Variants in PHTF1 observed in about 807,000 individuals in gnomAD.
The protein encoded by PHTF1 is protein PHTF1.
PHTF1 carries 88 observed loss-of-function variants against 102.4 expected under a neutral mutation model. The observed-to-expected ratio is 0.86, with a 90% CI of 0.72 to 1.03. The LOEUF is 1.03. PHTF1 is among the 50% of genes least tolerant of loss of function. The probability of loss-of-function intolerance (pLI) is 0.00; values close to 1 mark genes in which losing one functional copy is unlikely to be tolerated. For synonymous variants in PHTF1, 289 were observed against 305.2 expected (o/e 0.95, Z 0.55); for missense variants, 814 against 909.5 (o/e 0.89, Z 1.35).
intron 5 of PHTF1, among the ~76,000 whole-genome samples, chr1:113,727,439 A>G (rs1654012639): frequency 6.6e-6 from 1 of 152,214 alleles, no homozygotes; most frequent in Admixed American, 6.5e-5. Context: ...GGAAACCAGT[A>G]CCTGGAGCAC....
In PHTF1 at chr1:113,706,012, AG is replaced by A; in HGVS notation, c.1548del (p.Cys518ValfsTer14). 2.5e-6 allele frequency: 4 copies of A among 1,614,180 alleles called. No homozygotes were observed. The highest frequency in any genetic ancestry group is 3.4e-6 in the Non-Finnish European group (4 of 1,180,010). On this transcript the variant is annotated frameshift_variant, in exon 13 of 19. Transcript: ENST00000369604. LOFTEE classifies it high-confidence loss of function. ...KSISAEEILT[L>X]FCGAPPVTPI... ...GGTGTAACAGGTGGTGCCCCACAAA[AG>A]AGAGTCAAGATCTCCTCAGCTGAAA...
chr1:113,743,564 T>C (rs1656748925), intron 3 of PHTF1, among the ~76,000 whole-genome samples: 1 of 152,222 alleles, frequency 6.6e-6, no homozygotes, highest in Non-Finnish European at 1.5e-5. Context: ...TTTATTATCA[T>C]TATCAAGTGT....
At chr1:113,751,591 C>G (rs143248520) in intron 3 of PHTF1, among the ~76,000 whole-genome samples, 2 of 152,008 alleles carry the variant, frequency 1.3e-5, no homozygotes, top group African/African-American at 4.8e-5. Context: ...TTGTTTATAC[C>G]AATTGATTCA....
chr1:113,704,105 C>T lies in PHTF1; in HGVS notation c.1866G>A (p.Ser622=), dbSNP rs111287893. The T allele has an allele frequency of 8.1e-6, 13 of 1,612,860 alleles. No individual in the cohort carries two copies. Among genetic ancestry groups the T allele is most frequent in the South Asian group, 3.3e-5 (3 of 91,018 alleles). ...CCTGAGCACAACAAATGAAAGCAAT[C>T]GAAAGTGTCAGTAGGAAAACCGAGG... The part of the protein sequence containing the change: ...VVSSVFLLTL[S]IAFICCAQVL... Residue 622 remains serine (S), a synonymous_variant, in exon 15 of 19, where the codon TCG becomes TCA. Transcript: ENST00000369604.
In PHTF1 at chr1:113,699,254, T is replaced by G. The variant is rs118152319; in HGVS notation, c.2142+450A>C. The stretch of plus-strand genomic sequence containing the variant: ...TGAGTGTGAGGCTTGCTAATCTTGT[T>G]CCCCCAGTAGTCTCCTCACACAGGG... On this transcript the variant is annotated intron_variant, in intron 17 of 18. Transcript: ENST00000369604. 2.6e-3 allele frequency: 610 copies of G among 233,580 alleles called. 10 individuals are homozygous for G. The highest frequency in any genetic ancestry group is 0.023 in the East Asian group (162 of 7,156). 14.5% of individuals were successfully genotyped at this position (233,580 alleles called of 1,614,324 possible).
At position 113,698,152 on chromosome 1, in the gene PHTF1, AACACACACACAC is replaced by A. The variant is rs59861045; in HGVS notation, c.2268+98_2268+109del. 3,443 of 546,370 alleles carry A rather than the reference AACACACACACAC, an allele frequency of 6.3e-3. 3 individuals are homozygous for A. Among genetic ancestry groups the A allele is most frequent in the African/African-American group, 0.011 (564 of 49,900 alleles). The allele number at this position is 546,370 out of a possible 1,614,324, so 33.8% of individuals were successfully genotyped here. A position where few individuals can be genotyped will look rare whatever the true frequency, so the allele number is the denominator to read the frequency against. On this transcript the variant is annotated intron_variant, in intron 18 of 18. Transcript: ENST00000369604. ...CCTCAAGAGTTATTTGCATGCTAGA[AACACACACACAC>A]ACACACACACACACACACACACACG...
At chr1:113,751,801 C>T (rs1003129954) in intron 3 of PHTF1, among the ~76,000 whole-genome samples, 1 of 152,162 alleles carries the variant, frequency 6.6e-6, no homozygotes, top group African/African-American at 2.4e-5. Context: ...TTTAAAACCA[C>T]CAAACTATTT....
At chr1:113,716,613 G>A (rs993733516) in intron 7 of PHTF1, among the ~76,000 whole-genome samples, 1 of 152,008 alleles carries the variant, frequency 6.6e-6, no homozygotes, top group East Asian at 1.9e-4. Flanking sequence ...ACCTCCCAAA[G>A]TGCTGGGATT....
chr1:113,737,979 T>C lies in PHTF1; in HGVS notation c.331+131A>G, dbSNP rs1022164414. ...ATTTTAATATGAACCCCAAATGGCA[T>C]ATGTCTCTTCATTCTGTGTACTTTA... On this transcript the variant is annotated intron_variant, in intron 5 of 18. Coordinates refer to ENST00000369604, the MANE Select transcript of PHTF1 (RefSeq NM_001323043.2). 4.6e-5 allele frequency: 30 copies of C among 645,222 alleles called. 1 individual carries two copies. In the Admixed American group the frequency reaches 8.5e-4, roughly 18 times the overall value. The allele number at this position is 645,222 out of a possible 1,614,324, so 40.0% of individuals were successfully genotyped here. A position where few individuals can be genotyped will look rare whatever the true frequency, so the allele number is the denominator to read the frequency against.
intron 8 of PHTF1, among the ~76,000 whole-genome samples, chr1:113,712,677 A>T (rs866076579): frequency 2.6e-5 from 4 of 151,882 alleles, no homozygotes; most frequent in Non-Finnish European, 2.9e-5. Flanking sequence ...AATTTCCCAA[A>T]CTCTTACTAT....
In PHTF1 at chr1:113,710,437, G is replaced by A. The variant is rs1260019108; in HGVS notation, c.1086C>T (p.Leu362=). 6.2e-7 allele frequency: 1 copy of A among 1,613,792 alleles called. No homozygotes were observed. Among genetic ancestry groups the A allele is most frequent in the African/African-American group, 1.3e-5 (1 of 74,830 alleles). The part of the protein sequence containing the change: ...RSGVSGGSRS[L]NMSRRDSEST... The stretch of plus-strand genomic sequence containing the variant: ...TTTCTGAGTCTCTTCTTGACATGTT[G>A]AGGCTTCGAGAGCCACCACTCACAC... The change falls in exon 11 of 19, where the codon CTC becomes CTT. Residue 362 remains leucine (L), a synonymous_variant. Transcript: ENST00000369604.
At chr1:113,743,321 ATT>A (rs1656713387) in intron 3 of PHTF1, among the ~76,000 whole-genome samples, 1 of 151,816 alleles carries the variant, frequency 6.6e-6, no homozygotes, top group African/African-American at 2.4e-5. Context: ...CATCAATATC[ATT>A]GTCTCCCACC....
At chr1:113,731,473 G>A (rs763572587) in intron 5 of PHTF1, among the ~76,000 whole-genome samples, 17 of 151,920 alleles carry the variant, frequency 1.1e-4, no homozygotes, top group Non-Finnish European at 1.8e-4. Flanking sequence ...CAAGGCTGTA[G>A]TGAAATACCA....
rs1456171179 is a variant in PHTF1 at position 113,706,566 on chromosome 1, A to G, written c.1398+28T>C. 7 of 1,551,468 alleles carry G rather than the reference A, an allele frequency of 4.5e-6. No homozygotes were observed. The African/African-American group carries it at 9.7e-5, about 22-fold the overall frequency. On this transcript the variant is annotated intron_variant, in intron 12 of 18. Coordinates refer to ENST00000369604, the MANE Select transcript of PHTF1 (RefSeq NM_001323043.2). ...TCCTGATCACTTCGTATATTTTTTG[A>G]AAAATCTGAAAACATATTCAGTCTT...
intron 7 of PHTF1, among the ~76,000 whole-genome samples, chr1:113,723,872 T>A (rs1653393284): frequency 6.6e-6 from 1 of 152,092 alleles, no homozygotes; most frequent in African/African-American, 2.4e-5. Context: ...AAATTATCCA[T>A]CTGACAAGGG....
chr1:113,726,520 A>G lies in PHTF1; in HGVS notation c.386T>C (p.Leu129Pro). 2.5e-6 allele frequency: 4 copies of G among 1,608,150 alleles called. No individual in the cohort carries two copies. Among genetic ancestry groups the G allele is most frequent in the Non-Finnish European group, 2.6e-6 (3 of 1,175,800 alleles). Reference sequence around the variant, plus strand: ...GAGTAGCATAAGGCACAAGGGTCCAAGTACTTCACTTATGTTCACAATAGG... The same window carrying G: ...GAGTAGCATAAGGCACAAGGGTCCAGGTACTTCACTTATGTTCACAATAGG... Reference protein sequence around the residue: ...MMPIVNISEVLGPLCLMLLMG... With the variant: ...MMPIVNISEVPGPLCLMLLMG... The change falls in exon 6 of 19, where the codon CTT (leucine) becomes CCT (proline). Residue 129 changes from leucine (L) to proline (P), a missense_variant. By Grantham distance (98) the Leu-to-Pro change is moderately conservative. Transcript: ENST00000369604.
intron 3 of PHTF1, among the ~76,000 whole-genome samples, chr1:113,748,054 T>C (rs1163292997): frequency 1.3e-5 from 2 of 152,346 alleles, no homozygotes; most frequent in Non-Finnish European, 2.9e-5. Flanking sequence ...CACGGCTCTC[T>C]GCACCTTTGA....
chr1:113,733,312 A>C (rs1654993727), intron 5 of PHTF1, among the ~76,000 whole-genome samples: 1 of 151,972 alleles, frequency 6.6e-6, no homozygotes, highest in South Asian at 2.1e-4. Flanking sequence ...CATTATATGT[A>C]CTAAAAGCCT....
intron 3 of PHTF1, among the ~76,000 whole-genome samples, chr1:113,747,834 G>A (rs981203689): frequency 2.0e-5 from 3 of 152,098 alleles, no homozygotes; most frequent in African/African-American, 7.2e-5. Context: ...TGCTGCTGAG[G>A]GGCAGTATCT....
Sources: allele counts gnomAD v4.1 joint callset (sites outside exome capture counted in the v4.1 genomes callset), GRCh38; gene constraint gnomAD v4.1.1; transcripts MANE v1.5; gene names NCBI Gene and HGNC (gene_info 2026-07-23, HGNC 2026-07-21).